SLC12A9: variants seen among roughly 807,000 people sequenced by gnomAD.
SLC12A9 encodes the protein CCC-interacting protein 1.
SLC12A9 carries 55 observed loss-of-function variants against 66.0 expected under a neutral mutation model. The observed-to-expected ratio is 0.83, with a 90% CI of 0.67 to 1.04. The LOEUF is 1.04. Ranked by LOEUF, SLC12A9 falls within the 50% of genes least tolerant of loss-of-function variation. The pLI is 0.00. For synonymous variants in SLC12A9, 577 were observed against 569.0 expected, an observed-to-expected ratio of 1.01 and a Z score of -0.20; for missense variants, 1,061 against 1,241.9, an observed-to-expected ratio of 0.85 and a Z score of 2.19.
chr7:100,859,365 A>C, intron 7 of SLC12A9: 1 of 592,734 alleles, frequency 1.7e-6, no homozygotes, highest in Non-Finnish European at 3.0e-6. Context: ...GAGGGTGGGT[A>C]GTGGCTTTCT....
rs762055836 is a variant in SLC12A9, at chr7:100,861,208, C to G, written c.1289C>G (p.Ala430Gly). The stretch of plus-strand genomic sequence containing the variant: ...ACTGTCTTCTACCTGGTGGCCTATG[C>G]TGCCGTGGACCTGTCCTGCCTGAGC... ...VVTVFYLVAYAAVDLSCLSLE... is the reference protein window; with the variant it reads ...VVTVFYLVAYGAVDLSCLSLE... Residue 430 changes from alanine (A) to glycine (G), a missense_variant, in exon 10 of 14, where the codon GCT (alanine) becomes GGT (glycine). By Grantham distance (60) the Ala-to-Gly change is moderately conservative (BLOSUM62 0). Transcript: ENST00000354161. The surrounding 1 kb of genome is among the most constrained non-coding windows in gnomAD (Gnocchi z 5.3). The G allele has an allele frequency of 6.2e-7, 1 of 1,614,222 alleles. No individual in the cohort carries two copies. Among genetic ancestry groups the G allele is most frequent in the Non-Finnish European group, 8.5e-7 (1 of 1,180,028 alleles).
rs1036790383 is a variant in SLC12A9 at position 100,854,301 on chromosome 7, G to A, written c.104G>A (p.Arg35Gln). ...GGGGGTCCTGGAGGGGCGTCTGCCC[G>A]GAAGCTGTCCACCTTCCTGGGTGTG... ...GAGGPGGASA[R>Q]KLSTFLGVVV... Residue 35 changes from arginine (R) to glutamine (Q), a missense_variant, in exon 2 of 14, where the codon CGG becomes CAG. Transcript: ENST00000354161. 1.6e-5 allele frequency: 26 copies of A among 1,604,288 alleles called. No homozygotes were observed. The highest frequency in any genetic ancestry group is 5.3e-5 in the Admixed American group (3 of 56,222).
At chr7:100,853,679 A>G in intron 1 of SLC12A9, among the ~76,000 whole-genome samples, 1 of 149,094 alleles carries the variant, frequency 6.7e-6, no homozygotes, top group Non-Finnish European at 1.5e-5. Context: ...CTCGTGTCTC[A>G]GCCTCCCAAG....
intron 1 of SLC12A9, among the ~76,000 whole-genome samples, chr7:100,846,985 G>T (rs1004061655): frequency 1.1e-4 from 16 of 151,796 alleles, no homozygotes; most frequent in East Asian, 3.9e-4. Context: ...CCCCAGTCAC[G>T]TACCCCCTGC....
chr7:100,866,623 C>CT lies in SLC12A9; in HGVS notation c.*19dup. 6.6e-7 allele frequency: 1 copy of CT among 1,521,264 alleles called. No homozygotes were observed. 94.2% of individuals were successfully genotyped at this position (1,521,264 alleles called of 1,614,324 possible). On this transcript the variant is annotated 3_prime_UTR_variant, in exon 14 of 14. Transcript: ENST00000354161. This position sits in a 1 kb window ranked among gnomAD's most constrained non-coding sequence, Gnocchi z 7.3. ...ATCTGTGATGCCCCTGCCTCCAGGG[C>CT]TAGGTAGAGAGGGCCCAGGCAGGCG...
chr7:100,865,963 G>C lies in SLC12A9; in HGVS notation c.2103G>C (p.Arg701=). Residue 701 remains arginine (R), a synonymous_variant, in exon 14 of 14, where the codon CGG becomes CGC. Transcript: ENST00000354161. ...TGAACAAGAATGTGGTGCTGGCCCG[G>C]GCCAGCGGGGCCTTGCCCCCTGAGC... ...LKMNKNVVLA[R]ASGALPPERL... 1 of 1,613,044 alleles carries C rather than the reference G, an allele frequency of 6.2e-7. No homozygotes were observed. Among genetic ancestry groups the C allele is most frequent in the Non-Finnish European group, 8.5e-7 (1 of 1,179,908 alleles).
Position 100,858,934 on chromosome 7 carries a change from A to G in SLC12A9, c.857A>G (p.Asn286Ser). The G allele has an allele frequency of 1.2e-6, 2 of 1,614,114 alleles. No homozygotes were observed. Among genetic ancestry groups the G allele is most frequent in the Non-Finnish European group, 1.7e-6 (2 of 1,180,018 alleles). Residue 286 changes from asparagine (N) to serine (S), a missense_variant, in exon 6 of 14, where the codon AAC (asparagine) becomes AGC (serine). Asn to Ser is a conservative substitution (Grantham distance 46). Transcript: ENST00000354161. ...NGCTGIMAGA[N>S]MSGELKDPSR... is the part of the protein sequence containing the mutation. ...TGTACAGGCATCATGGCTGGGGCCAACATGTCAGGTGAGAGTCCCTGCCTG... is the reference window on the plus strand; with the variant it reads ...TGTACAGGCATCATGGCTGGGGCCAGCATGTCAGGTGAGAGTCCCTGCCTG...
At chr7:100,846,667 G>C (rs372194297) in intron 1 of SLC12A9, among the ~76,000 whole-genome samples, 4 of 152,298 alleles carry the variant, frequency 2.6e-5, no homozygotes, top group African/African-American at 9.6e-5. Context: ...AGAAGACATG[G>C]GTAGTGAGAA....
intron 5 of SLC12A9, 79 bp from the exon 6 acceptor site, chr7:100,858,756 G>A: frequency 3.7e-6 from 5 of 1,360,802 alleles, no homozygotes; most frequent in Non-Finnish European, 5.2e-6. Context: ...CCGTGGGAAT[G>A]TGTGGAGAGG....
At chr7:100,865,640 C>G in intron 13 of SLC12A9, 79 bp from the exon 14 acceptor site, 1 of 1,556,180 alleles carries the variant, frequency 6.4e-7, no homozygotes, top group Non-Finnish European at 8.7e-7. Context: ...ACCTTGCTGT[C>G]AGTGTGTGGG....
chr7:100,827,965 T>C (rs1813460936), intron 1 of SLC12A9, among the ~76,000 whole-genome samples: 1 of 152,110 alleles, frequency 6.6e-6, no homozygotes, highest in African/African-American at 2.4e-5. Flanking sequence ...ATGCCGCTCT[T>C]GGATGCGCCC....
intron 13 of SLC12A9, among the ~76,000 whole-genome samples, chr7:100,863,189 C>T (rs1018724950): frequency 6.6e-6 from 1 of 151,900 alleles, no homozygotes; most frequent in South Asian, 2.1e-4. Context: ...CTTAGCCTCC[C>T]AAATATCTGG....
chr7:100,861,434 G>T lies in SLC12A9; in HGVS notation c.1386G>T (p.Gly462=). The part of the protein sequence containing the change: ...SLFSWHTCLL[G]VASCLLMMFL... ...TCTCCTGGCACACCTGCCTGCTGGG[G>T]GTGGCCTCCTGCCTGCTCATGATGT... The change falls in exon 11 of 14, where the codon GGG becomes GGT. Residue 462 remains glycine, a synonymous_variant. Transcript: ENST00000354161. This position sits in a 1 kb window ranked among gnomAD's most constrained non-coding sequence, Gnocchi z 5.3. 1 of 1,613,734 alleles carries T rather than the reference G, an allele frequency of 6.2e-7. No homozygotes were observed.
At chr7:100,852,015 T>A (rs1814101006), upstream of SLC12A9, among the ~76,000 whole-genome samples, 1 of 152,096 alleles carries the variant, frequency 6.6e-6, no homozygotes, top group African/African-American at 2.4e-5. Flanking sequence ...CCATTTTACA[T>A]ATGAGGACGC....
chr7:100,866,493 C>T lies in SLC12A9; in HGVS notation c.2633C>T (p.Ala878Val), dbSNP rs1815107232. 6.4e-7 allele frequency: 1 copy of T among 1,559,064 alleles called. No homozygotes were observed. ...LTFLYLPRPP[A>V]DPARYPRYLA... The stretch of plus-strand genomic sequence containing the variant: ...TTCCTGTACTTGCCTCGGCCGCCAG[C>T]CGATCCCGCCCGATACCCCCGCTAC... Residue 878 changes from alanine (A) to valine (V), a missense_variant, in exon 14 of 14, where the codon GCC (alanine) becomes GTC (valine). Transcript: ENST00000354161. This position sits in a 1 kb window ranked among gnomAD's most constrained non-coding sequence, Gnocchi z 7.3.
chr7:100,861,866 A>C lies in SLC12A9; in HGVS notation c.1666A>C (p.Lys556Gln). The C allele has an allele frequency of 6.2e-7, 1 of 1,613,220 alleles. No homozygotes were observed. Among genetic ancestry groups the C allele is most frequent in the Non-Finnish European group, 8.5e-7 (1 of 1,179,718 alleles). ...PLLRLANQLK[K>Q]GGLYVLGHVT... ...GCTGCGGTTGGCCAACCAGCTTAAG[A>C]AGGGGGGGCTGTATGTGCTGGGCCA... The change falls in exon 12 of 14, where the codon AAG becomes CAG. Residue 556 changes from lysine to glutamine, a missense_variant. Lys to Gln is a moderately conservative substitution (Grantham distance 53). Transcript: ENST00000354161. The surrounding 1 kb of genome is among the most constrained non-coding windows in gnomAD (Gnocchi z 5.3).
intron 1 of SLC12A9, among the ~76,000 whole-genome samples, chr7:100,835,936 A>G (rs1813647797): frequency 6.6e-6 from 1 of 152,220 alleles, no homozygotes; most frequent in Non-Finnish European, 1.5e-5. Flanking sequence ...GGCTGGGGCC[A>G]GAGCTAAGAA....
intron 13 of SLC12A9, among the ~76,000 whole-genome samples, chr7:100,864,078 CTTTTT>C (rs10598573): frequency 3.9e-5 from 4 of 102,454 alleles, no homozygotes; most frequent in African/African-American, 3.9e-5. Context: ...CGGTTTTTGC[CTTTTT>C]TTTTTTTTTT....
Position 100,866,453 on chromosome 7 carries a change from A to T in SLC12A9, c.2593A>T (p.Ile865Phe). ...GGAGGGTGGGGATGCTGAGGGCCCC[A>T]TCACAGCCCTCACCTTCCTGTACTT... The part of the protein sequence containing the change: ...GPEGGDAEGP[I>F]TALTFLYLPR... The change falls in exon 14 of 14, where the codon ATC (isoleucine) becomes TTC (phenylalanine). Residue 865 changes from isoleucine (I) to phenylalanine (F), a missense_variant. Physicochemically the swap from Ile to Phe is conservative, Grantham distance 21. Coordinates refer to ENST00000354161, the MANE Select transcript of SLC12A9 (RefSeq NM_020246.4). The surrounding 1 kb of genome is among the most constrained non-coding windows in gnomAD (Gnocchi z 7.3). The T allele has an allele frequency of 5.2e-6, 8 of 1,550,526 alleles. No individual in the cohort carries two copies. Among genetic ancestry groups the T allele is most frequent in the Non-Finnish European group, 7.0e-6 (8 of 1,147,396 alleles).
Sources: allele counts gnomAD v4.1 joint callset (sites outside exome capture counted in the v4.1 genomes callset), GRCh38; gene constraint gnomAD v4.1.1; non-coding constraint Gnocchi (gnomAD v3.1); transcripts MANE v1.5; gene names NCBI Gene and HGNC (gene_info 2026-07-23, HGNC 2026-07-21).